Variants in CD6 observed in about 807,000 individuals in gnomAD.
The protein encoded by CD6 is CD6 molecule.
CD6 carries 53 observed loss-of-function variants against 75.3 expected under a neutral mutation model. That is an observed-to-expected ratio of 0.70 (90% CI 0.56 to 0.88). The LOEUF (loss-of-function observed/expected upper bound fraction) is 0.88. Among genes scored for constraint, CD6 ranks in the 40% least tolerant of loss-of-function variants. The pLI, the probability that CD6 is intolerant of heterozygous loss-of-function variation, is 0.00. For synonymous variants in CD6, 359 were observed against 381.5 expected (o/e 0.94, Z 0.69); for missense variants, 770 against 897.1 (o/e 0.86, Z 1.81).
intron 4 of CD6, 142 bp downstream of exon 4, chr11:61,008,987 A>T: frequency 1.4e-6 from 1 of 723,610 alleles, no homozygotes; most frequent in Non-Finnish European, 2.1e-6. Flanking sequence ...AGACTGAGAC[A>T]AACATAATTC....
At chr11:60,977,057 C>T (rs752252061) in intron 1 of CD6, among the ~76,000 whole-genome samples, 6 of 152,192 alleles carry the variant, frequency 3.9e-5, no homozygotes, top group Middle Eastern at 3.4e-3. Context: ...GGCCATGGAA[C>T]GGGGTAGCTC....
chr11:60,986,298 A>G (rs1249171628), intron 1 of CD6, among the ~76,000 whole-genome samples: 1 of 152,198 alleles, frequency 6.6e-6, no homozygotes, highest in Non-Finnish European at 1.5e-5. Context: ...GTGGAGCGTC[A>G]TGGGCCTTCA....
chr11:61,008,422 C>A (rs1226450057), intron 3 of CD6, 112 bp from the exon 4 acceptor site: 2 of 1,031,008 alleles, frequency 1.9e-6, no homozygotes, highest in South Asian at 3.3e-5. Flanking sequence ...GGGCTACAGC[C>A]CTCTCACTGG....
intron 1 of CD6, among the ~76,000 whole-genome samples, chr11:60,991,151 T>TTC (rs1419088338): frequency 3.1e-5 from 4 of 128,014 alleles, no homozygotes; most frequent in African/African-American, 6.1e-5. Flanking sequence ...TTTTCTTTCT[T>TTC]TTTTTTTTTT....
chr11:61,005,480 AATC>A (rs1858803882), intron 1 of CD6, among the ~76,000 whole-genome samples: 1 of 152,246 alleles, frequency 6.6e-6, no homozygotes, highest in African/African-American at 2.4e-5. Flanking sequence ...GACAGGGGTT[AATC>A]CAAACAGATC....
At chr11:60,996,695 CCAGT>C (rs1221390938) in intron 1 of CD6, among the ~76,000 whole-genome samples, 1 of 152,224 alleles carries the variant, frequency 6.6e-6, no homozygotes, top group African/African-American at 2.4e-5. Flanking sequence ...GGGCCTGGTG[CCAGT>C]CTTGCAGAGA....
At chr11:61,011,704 G>A (rs1415318498) in intron 6 of CD6, among the ~76,000 whole-genome samples, 1 of 152,194 alleles carries the variant, frequency 6.6e-6, no homozygotes, top group Non-Finnish European at 1.5e-5. Context: ...TGACAACCAA[G>A]GCTCTGAATT....
Position 60,985,681 on chromosome 11 carries a change from G to A in CD6, c.49+13767G>A, listed in dbSNP as rs78468325. 3.5e-3 allele frequency among the ~76,000 whole-genome samples: 530 copies of A among 152,308 alleles called. 6 individuals are homozygous for A. The highest frequency in any genetic ancestry group is 0.012 in the African/African-American group (507 of 41,574). ...TTCATTAAGAAGTGTTAGGTGGCCA[G>A]GCACAGTGGCTGATGCCTGTCATGC... On this transcript the variant is annotated intron_variant, in intron 1 of 12. Transcript: ENST00000313421.
At chr11:61,010,065 A>G (rs1034803310) in intron 5 of CD6, among the ~76,000 whole-genome samples, 191 bp downstream of exon 5, 10 of 152,180 alleles carry the variant, frequency 6.6e-5, no homozygotes, top group Non-Finnish European at 1.5e-4. Context: ...CAGATGCTCC[A>G]CTCAGCCCCA....
At chr11:61,005,682 G>A (rs1293437409) in intron 1 of CD6, among the ~76,000 whole-genome samples, 14 of 152,108 alleles carry the variant, frequency 9.2e-5, no homozygotes, top group East Asian at 1.9e-4. Context: ...CTGTAATCCC[G>A]GCACTTTGGG....
rs778195342 is a variant in CD6, at chr11:61,015,853, C to A, written c.1510+18C>A. 2 of 1,613,366 alleles carry A rather than the reference C, an allele frequency of 1.2e-6. No homozygotes were observed. The highest frequency in any genetic ancestry group is 1.1e-5 in the South Asian group (1 of 91,068). On this transcript the variant is annotated intron_variant, in intron 9 of 12. Coordinates refer to ENST00000313421, the MANE Select transcript of CD6 (RefSeq NM_006725.5). Reference sequence around the variant, plus strand: ...CTTCTACAGTGAGTGCCTGGCCGGGCTCCCGAGGGCCCACCTACCTGAATC... The same window carrying A: ...CTTCTACAGTGAGTGCCTGGCCGGGATCCCGAGGGCCCACCTACCTGAATC...
chr11:61,011,104 A>C lies in CD6; in HGVS notation c.1119A>C (p.Glu373Asp), dbSNP rs1859119798. ...SRSLHNLSTP[E>D]VPASVQTVTI... ...GTTTGCACAATCTGTCCACTCCCGA[A>C]GTCCCTGCAAGTGTTCAGACAGTCA... The change falls in exon 6 of 13, where the codon GAA (glutamate) becomes GAC (aspartate). Residue 373 changes from glutamate (E) to aspartate (D), a missense_variant. Transcript: ENST00000313421. 6.2e-7 allele frequency: 1 copy of C among 1,613,948 alleles called. No individual in the cohort carries two copies. The highest frequency in any genetic ancestry group is 8.5e-7 in the Non-Finnish European group (1 of 1,179,994).
At chr11:61,019,225 C>T in intron 12 of CD6, 29 bp from the exon 13 acceptor site, 2 of 1,586,376 alleles carry the variant, frequency 1.3e-6, no homozygotes, top group Non-Finnish European at 1.7e-6. Context: ...GACTGGGTCT[C>T]CCACTAATCT....
At chr11:61,013,735 G>A (rs112695336) in intron 7 of CD6, among the ~76,000 whole-genome samples, 172 bp downstream of exon 7, 3 of 152,286 alleles carry the variant, frequency 2.0e-5, no homozygotes, top group African/African-American at 7.2e-5. Context: ...GCACCAGCGG[G>A]GAGAACCAGA....
intron 11 of CD6, 23 bp downstream of exon 11, chr11:61,018,036 C>T (rs1565163524): frequency 6.2e-7 from 1 of 1,606,800 alleles, no homozygotes; most frequent in East Asian, 2.2e-5. Context: ...TCCCCCAAAC[C>T]CCCATCCCAT....
In CD6 at chr11:61,017,532, A is replaced by G; in HGVS notation, c.1564A>G (p.Met522Val). 1.3e-6 allele frequency: 2 copies of G among 1,553,736 alleles called. No individual in the cohort carries two copies. Among genetic ancestry groups the G allele is most frequent in the Non-Finnish European group, 1.7e-6 (2 of 1,148,426 alleles). The part of the protein sequence containing the change: ...DEEVQQSRFQ[M>V]PPLEEGLEEL... ...GGAGGTCCAGCAAAGCAGGTTCCAG[A>G]TGCCACCCTTGGAGGAAGGTGAGTC... The change falls in exon 10 of 13, where the codon ATG (methionine) becomes GTG (valine). Residue 522 changes from methionine (M) to valine (V), a missense_variant. Coordinates refer to ENST00000313421, the MANE Select transcript of CD6 (RefSeq NM_006725.5).
chr11:61,017,263 A>C (rs143011385), intron 9 of CD6: 9 of 573,516 alleles, frequency 1.6e-5, no homozygotes, highest in Non-Finnish European at 2.5e-5. Context: ...GTAGGGCACT[A>C]GAGTTTCTGT....
chr11:61,014,265 A>G (rs1859298486), intron 8 of CD6, among the ~76,000 whole-genome samples: 1 of 152,208 alleles, frequency 6.6e-6, no homozygotes, highest in Admixed American at 6.5e-5. Flanking sequence ...CAGGCAAAGC[A>G]CGTTTTAGAT....
At chr11:60,973,140 C>T (rs889097150) in intron 1 of CD6, among the ~76,000 whole-genome samples, 2 of 152,226 alleles carry the variant, frequency 1.3e-5, no homozygotes, top group African/African-American at 2.4e-5. Flanking sequence ...AAGATTTTCC[C>T]CAACCCAGGG....
Sources: gnomAD v4.1 joint callset for allele counts (sites outside exome capture counted in the v4.1 genomes callset) on GRCh38, gnomAD v4.1.1 for gene constraint, MANE v1.5 for transcripts, NCBI Gene and HGNC (gene_info 2026-07-23, HGNC 2026-07-21) for gene names.